The following SPATA6 variants were observed in gnomAD, a reference collection of about 807,000 sequenced individuals.
SPATA6 encodes spermatogenesis-associated protein 6.
A neutral mutation model predicts 65.3 loss-of-function variants in SPATA6; 56 were observed. The observed-to-expected ratio is 0.86, with a 90% CI of 0.69 to 1.07. SPATA6 has a LOEUF of 1.07. Among genes scored for constraint, SPATA6 ranks in the 50% least tolerant of loss-of-function variants. The pLI, the probability that SPATA6 is intolerant of heterozygous loss-of-function variation, is 0.00. For missense variants in SPATA6, 590 were observed against 594.8 expected, an observed-to-expected ratio of 0.99 and a Z score of 0.08; for synonymous variants, 199 against 213.2, an observed-to-expected ratio of 0.93 and a Z score of 0.58.
intron 3 of SPATA6, chr1:48,447,940 T>C (rs1410192057): frequency 6.6e-6 from 1 of 152,122 alleles, no homozygotes; most frequent in South Asian, 2.1e-4. Context: ...GTATTAAGCT[T>C]TGCACATTGG....
intron 9 of SPATA6, among the ~76,000 whole-genome samples, chr1:48,367,516 C>G (rs1647063579): frequency 6.6e-6 from 1 of 152,194 alleles, no homozygotes; most frequent in Non-Finnish European, 1.5e-5. Flanking sequence ...ATAGTTAACT[C>G]TTCTTGTTGA....
the SPATA6 span, among the ~76,000 whole-genome samples, chr1:48,284,857 G>A: frequency 3.9e-5 from 6 of 152,150 alleles, no homozygotes; most frequent in Non-Finnish European, 5.9e-5. Context: ...CCTGTATGAG[G>A]TGTCTGTCGA....
chr1:48,469,934 CTAGA>C (rs763647211), intron 1 of SPATA6, among the ~76,000 whole-genome samples: 24 of 151,974 alleles, frequency 1.6e-4, no homozygotes, highest in Non-Finnish European at 2.8e-4. Flanking sequence ...TTGTGCAATC[CTAGA>C]TAAATAATAG....
At chr1:48,350,443 T>G (rs1646485369) in intron 11 of SPATA6, among the ~76,000 whole-genome samples, 1 of 151,824 alleles carries the variant, frequency 6.6e-6, no homozygotes, top group South Asian at 2.1e-4. Flanking sequence ...ATCAGTTTTT[T>G]TAACTTTATG....
At chr1:48,329,133 AG>A (rs1645844641) in intron 11 of SPATA6, among the ~76,000 whole-genome samples, 1 of 152,218 alleles carries the variant, frequency 6.6e-6, no homozygotes, top group South Asian at 2.1e-4. Context: ...CAATAAGCAA[AG>A]GTGAGAGAAT....
intron 8 of SPATA6, among the ~76,000 whole-genome samples, chr1:48,389,293 A>G (rs953475388): frequency 6.6e-6 from 1 of 152,252 alleles, no homozygotes; most frequent in Non-Finnish European, 1.5e-5. Flanking sequence ...TATGGGACAC[A>G]ATAAAGCGAC....
intron 1 of SPATA6, among the ~76,000 whole-genome samples, chr1:48,470,290 G>A (rs1490917491): frequency 6.6e-6 from 1 of 152,128 alleles, no homozygotes; most frequent in Non-Finnish European, 1.5e-5. Flanking sequence ...AGGCAGCTGC[G>A]CTCACCAGAC....
rs540144600 is a variant in SPATA6, at chr1:48,436,982, C to T, written c.238+14570G>A. 86 of 1,611,206 alleles carry T rather than the reference C, an allele frequency of 5.3e-5. No homozygotes were observed. In the South Asian group the frequency reaches 7.5e-4, roughly 14 times the overall value. On this transcript the variant is annotated intron_variant, in intron 3 of 12. Transcript: ENST00000371847. ...CACACACCATCCTCAAAAACTTTCT[C>T]TCCTGCCTTCTTTAGCTTGGTACAG...
intron 11 of SPATA6, among the ~76,000 whole-genome samples, chr1:48,307,086 G>A (rs1018177972): frequency 6.6e-6 from 1 of 151,646 alleles, no homozygotes; most frequent in East Asian, 1.9e-4. Context: ...AGAAGTCAAT[G>A]CAGTGGAGCA....
At chr1:48,312,189 T>A (rs1346584894) in intron 11 of SPATA6, among the ~76,000 whole-genome samples, 1 of 152,110 alleles carries the variant, frequency 6.6e-6, no homozygotes, top group Non-Finnish European at 1.5e-5. Context: ...GACTTAAATG[T>A]CCCTGTCTGA....
chr1:48,308,268 A>T (rs1645110123), intron 11 of SPATA6, among the ~76,000 whole-genome samples: 1 of 152,056 alleles, frequency 6.6e-6, no homozygotes. Context: ...TGAGGATTAC[A>T]AATAACATCT....
At position 48,296,800 on chromosome 1, in the gene SPATA6, T is replaced by C. The variant is rs1412707094; in HGVS notation, c.*1913A>G. The C allele has an allele frequency of 1.3e-5, 2 of 152,106 alleles. No individual in the cohort carries two copies. The highest frequency in any genetic ancestry group is 2.9e-5 in the Non-Finnish European group (2 of 68,000). The allele number at this position is 152,106 out of a possible 1,614,324, so 9.4% of individuals were successfully genotyped here. ...ATCCACATGTACCTTAGGATGACAT[T>C]GGCAGGTAGTGTGAGGAGCTAGGGG... is the stretch of plus-strand genomic sequence containing the variant. On this transcript the variant is annotated 3_prime_UTR_variant, in exon 13 of 13. Transcript: ENST00000371847.
At position 48,377,288 on chromosome 1, in the gene SPATA6, AAT is replaced by A. The variant is rs141656748; in HGVS notation, c.909+8019_909+8020del. ...ACTTAGGATAATTACCAAAATCTCCAATATGTCCTAAAAGATTTAATCCCTAC... is the reference window on the plus strand; with the variant it reads ...ACTTAGGATAATTACCAAAATCTCCAATGTCCTAAAAGATTTAATCCCTAC... On this transcript the variant is annotated intron_variant, in intron 9 of 12. Transcript: ENST00000371847. Among the ~76,000 whole-genome samples the A allele has an allele frequency of 9.0e-3, 1,378 of 152,284 alleles. 20 individuals carry two copies. Among genetic ancestry groups the A allele is most frequent in the African/African-American group, 0.031 (1,300 of 41,568 alleles).
intron 1 of SPATA6, among the ~76,000 whole-genome samples, chr1:48,457,106 A>C (rs1235526723): frequency 6.6e-6 from 1 of 151,886 alleles, no homozygotes; most frequent in Non-Finnish European, 1.5e-5. Context: ...AGATCACAGA[A>C]CTCCAACCTG....
At chr1:48,378,046 G>C (rs970920790) in intron 9 of SPATA6, among the ~76,000 whole-genome samples, 8 of 152,166 alleles carry the variant, frequency 5.3e-5, no homozygotes, top group African/African-American at 1.9e-4. Context: ...GTCACAGCAT[G>C]GAGAAAATAG....
At chr1:48,311,057 TTAA>T (rs1645195054) in intron 11 of SPATA6, among the ~76,000 whole-genome samples, 1 of 151,964 alleles carries the variant, frequency 6.6e-6, no homozygotes, top group Non-Finnish European at 1.5e-5. Context: ...CATATAAAAC[TTAA>T]TAATGAAAAT....
rs554977510 is a variant in SPATA6 at position 48,403,998 on chromosome 1, T to G, written c.406-116A>C. On this transcript the variant is annotated intron_variant, in intron 5 of 12. Coordinates refer to ENST00000371847, the MANE Select transcript of SPATA6 (RefSeq NM_019073.4). ...CTGTCAAAGTTCAGCTGTTTCACTG[T>G]TAGTTTGAACTTTTCATTAAAGATA... 2.2e-5 allele frequency: 15 copies of G among 693,232 alleles called. No individual in the cohort carries two copies. The African/African-American group carries it at 2.6e-4, about 12-fold the overall frequency. The allele number at this position is 693,232 out of a possible 1,614,324, so 42.9% of individuals were successfully genotyped here.
At chr1:48,380,103 A>C (rs554379220) in intron 9 of SPATA6, among the ~76,000 whole-genome samples, 1 of 152,342 alleles carries the variant, frequency 6.6e-6, no homozygotes, top group East Asian at 1.9e-4. Flanking sequence ...AATCTCGGGA[A>C]AGAATTCTCT....
intron 3 of SPATA6, among the ~76,000 whole-genome samples, chr1:48,445,313 C>A (rs1209811075): frequency 6.6e-6 from 1 of 152,142 alleles, no homozygotes; most frequent in East Asian, 1.9e-4. Context: ...TGAGGTGCTG[C>A]CAGGGCATCT....
Sources: gnomAD v4.1 joint callset for allele counts (sites outside exome capture counted in the v4.1 genomes callset) on GRCh38, gnomAD v4.1.1 for gene constraint, MANE v1.5 for transcripts, NCBI Gene and HGNC (gene_info 2026-07-23, HGNC 2026-07-21) for gene names.